The following SLC2A5 variants were observed in gnomAD, a reference collection of about 807,000 sequenced individuals.
SLC2A5 encodes solute carrier family 2 member 5.
In SLC2A5, 56 loss-of-function variants were observed where a neutral mutation model predicts 50.3. The ratio of observed to expected loss-of-function variants is 1.11; its 90% CI spans 0.90 to 1.39. The LOEUF is 1.39. Among genes scored for constraint, SLC2A5 ranks in the 40% most tolerant of loss-of-function variants. The pLI is 0.00. For synonymous variants in SLC2A5, 269 were observed against 281.9 expected, an observed-to-expected ratio of 0.95 and a Z score of 0.46; for missense variants, 566 against 650.1, an observed-to-expected ratio of 0.87 and a Z score of 1.41.
In SLC2A5 at chr1:9,041,954, T is replaced by C; in HGVS notation, c.419-17A>G. On this transcript the variant is annotated splice_polypyrimidine_tract_variant and intron_variant, in intron 4 of 11. Transcript: ENST00000377424. ...AAGATACACCTGGGAGGAGGTGAAA[T>C]AGAAACACCATCAGAAAAAATTAGT... 6.4e-7 allele frequency: 1 copy of C among 1,565,732 alleles called. No individual in the cohort carries two copies. The highest frequency in any genetic ancestry group is 8.6e-7 in the Non-Finnish European group (1 of 1,157,738).
rs1642046918 is a variant in SLC2A5 at position 9,065,098 on chromosome 1, C to G, written c.33+4406G>C. ...GTATAGCCTATCACTAAATCAATGT[C>G]ATTTCTCTAAACCAGTGAGAATTCC... On this transcript the variant is annotated intron_variant, in intron 1 of 11. Coordinates refer to ENST00000377424, the MANE Select transcript of SLC2A5 (RefSeq NM_003039.3). 4.0e-5 allele frequency among the ~76,000 whole-genome samples: 6 copies of G among 151,370 alleles called. No individual in the cohort carries two copies. In the South Asian group the frequency reaches 1.3e-3, roughly 32 times the overall value.
chr1:9,042,066 A>C, intron 4 of SLC2A5, 129 bp from the exon 5 acceptor site: 2 of 1,269,992 alleles, frequency 1.6e-6, no homozygotes, highest in Non-Finnish European at 2.1e-6. Context: ...CAAAGGAGAA[A>C]GCAAACACCT....
At chr1:9,068,921 T>C (rs1032285258) in intron 1 of SLC2A5, among the ~76,000 whole-genome samples, 1 of 152,236 alleles carries the variant, frequency 6.6e-6, no homozygotes, top group Non-Finnish European at 1.5e-5. Flanking sequence ...CATTATGCAT[T>C]TTCCTCAATC....
chr1:9,049,635 G>A lies in SLC2A5; in HGVS notation c.294-1901C>T, dbSNP rs534120704. On this transcript the variant is annotated intron_variant, in intron 3 of 11. Coordinates refer to ENST00000377424, the MANE Select transcript of SLC2A5 (RefSeq NM_003039.3). The stretch of plus-strand genomic sequence containing the variant: ...TGAGAATCGCTTGAACCTGGAAGGC[G>A]GAGGTTGCAGTGAGCCGAGATGGCC... 1.2e-3 allele frequency among the ~76,000 whole-genome samples: 180 copies of A among 151,886 alleles called. 2 individuals are homozygous for A. The highest frequency in any genetic ancestry group is 4.0e-3 in the African/African-American group (167 of 41,416).
At chr1:9,045,951 A>C (rs752881868) in intron 4 of SLC2A5, among the ~76,000 whole-genome samples, 1 of 151,402 alleles carries the variant, frequency 6.6e-6, no homozygotes, top group Non-Finnish European at 1.5e-5. Context: ...GAAGTTTGCC[A>C]TGGGGCTCAC....
intron 9 of SLC2A5, 103 bp downstream of exon 9, chr1:9,038,725 A>G (rs1272917760): frequency 1.8e-5 from 26 of 1,463,690 alleles, no homozygotes; most frequent in Non-Finnish European, 2.1e-5. Context: ...AAAACAGCTC[A>G]TTGTGACCCC....
At chr1:9,057,885 C>T (rs969611928) in intron 2 of SLC2A5, among the ~76,000 whole-genome samples, 1 of 152,092 alleles carries the variant, frequency 6.6e-6, no homozygotes, top group Non-Finnish European at 1.5e-5. Context: ...GACCCCTGGC[C>T]CCCCCGGATT....
At chr1:9,056,890 C>T (rs1459654904) in intron 3 of SLC2A5, among the ~76,000 whole-genome samples, 1 of 152,130 alleles carries the variant, frequency 6.6e-6, no homozygotes, top group Non-Finnish European at 1.5e-5. Flanking sequence ...TCCGGGTCTG[C>T]CCGAGGGCCT....
At chr1:9,059,562 A>ATTT (rs1557675400) in intron 1 of SLC2A5, among the ~76,000 whole-genome samples, 210 of 94,684 alleles carry the variant, frequency 2.2e-3, no homozygotes, top group East Asian at 5.5e-3. Context: ...TTTCTGAGAC[A>ATTT]TTTCTTGCCC....
Position 9,037,777 on chromosome 1 carries a change from G to C in SLC2A5, c.1315C>G (p.Pro439Ala), listed in dbSNP as rs1641171356. ...ACGGCGAAGACAATGAAGCTGTACG[G>C]GCCGAGGCCCTCCTGCGGGAAGAGG... ...IFPFIQEGLG[P>A]YSFIVFAVIC... is the part of the protein sequence containing the mutation. The change falls in exon 12 of 12, where the codon CCG (proline) becomes GCG (alanine). Residue 439 changes from proline (P) to alanine (A), a missense_variant. Physicochemically the swap from Pro to Ala is conservative, Grantham distance 27 (BLOSUM62 -1). Transcript: ENST00000377424. 5 of 1,614,120 alleles carry C rather than the reference G, an allele frequency of 3.1e-6. No homozygotes were observed. Among genetic ancestry groups the C allele is most frequent in the Non-Finnish European group, 4.2e-6 (5 of 1,180,014 alleles).
At chr1:9,071,761 G>C (rs978074645), upstream of SLC2A5, 12 of 152,442 alleles carry the variant, frequency 7.9e-5, no homozygotes, top group African/African-American at 2.7e-4. Flanking sequence ...GGAGCCGAGC[G>C]CGGGGACGGG....
At chr1:9,048,162 G>T (rs186859072) in intron 3 of SLC2A5, among the ~76,000 whole-genome samples, 1 of 152,238 alleles carries the variant, frequency 6.6e-6, no homozygotes, top group African/African-American at 2.4e-5. Context: ...AATCTTAGTA[G>T]ATTAAATTCA....
intron 2 of SLC2A5, among the ~76,000 whole-genome samples, chr1:9,083,586 GT>G (rs1278242975): frequency 1.3e-5 from 2 of 152,174 alleles, no homozygotes; most frequent in Non-Finnish European, 2.9e-5. Flanking sequence ...ACTTTGGGAG[GT>G]TGAGGTGGGC....
At chr1:9,084,056 A>G (rs768426845) in intron 2 of SLC2A5, among the ~76,000 whole-genome samples, 1 of 152,044 alleles carries the variant, frequency 6.6e-6, no homozygotes, top group African/African-American at 2.4e-5. Flanking sequence ...AGGCAGGAGC[A>G]TGGCGTGAAC....
chr1:9,047,611 T>C lies in SLC2A5; in HGVS notation c.417A>G (p.Ala139=). 6.2e-7 allele frequency: 1 copy of C among 1,613,646 alleles called. No individual in the cohort carries two copies. Among genetic ancestry groups the C allele is most frequent in the Non-Finnish European group, 8.5e-7 (1 of 1,179,696 alleles). ...IISRLLVGIC[A]GVSSNVVPMY... ...GCAATACAGCATAGCATTGTTTACC[T>C]GCACATATTCCCACCAAAAGTCTGG... is the stretch of plus-strand genomic sequence containing the variant. The change falls in exon 4 of 12, where the codon GCA becomes GCG. Residue 139 remains alanine, a splice_region_variant and synonymous_variant. Transcript: ENST00000377424.
chr1:9,060,723 A>C (rs1455411034), intron 1 of SLC2A5, among the ~76,000 whole-genome samples: 13 of 130,060 alleles, frequency 1.0e-4, no homozygotes, highest in Admixed American at 1.7e-4. Context: ...CCCACCCCCC[A>C]CACACACATA....
upstream of SLC2A5, chr1:9,069,802 G>A: frequency 2.0e-6 from 1 of 489,074 alleles, no homozygotes; most frequent in Non-Finnish European, 3.7e-6. Context: ...TGATGGAACA[G>A]TCTACGGTAT....
chr1:9,091,605 C>T (rs1420592402), upstream of SLC2A5, among the ~76,000 whole-genome samples: 1 of 152,100 alleles, frequency 6.6e-6, no homozygotes, highest in African/African-American at 2.4e-5. Context: ...TTCATGATGC[C>T]CCCTGTTAAT....
intron 3 of SLC2A5, among the ~76,000 whole-genome samples, chr1:9,051,118 C>G (rs1641562417): frequency 6.6e-6 from 1 of 151,734 alleles, no homozygotes; most frequent in Non-Finnish European, 1.5e-5. Flanking sequence ...GTAGTACACC[C>G]CTCCTGAGCA....
Sources: allele counts gnomAD v4.1 joint callset (sites outside exome capture counted in the v4.1 genomes callset), GRCh38; gene constraint gnomAD v4.1.1; transcripts MANE v1.5; gene names NCBI Gene and HGNC (gene_info 2026-07-23, HGNC 2026-07-21).